Variants in VWA5A observed in about 807,000 individuals in gnomAD.
VWA5A encodes von Willebrand factor A domain-containing protein 5A.
Under a neutral mutation model 84.6 loss-of-function variants are expected in VWA5A, and 77 were observed. The observed-to-expected ratio is 0.91, with a 90% CI of 0.76 to 1.10. The LOEUF (loss-of-function observed/expected upper bound fraction) is 1.10. VWA5A is among the 50% of genes least tolerant of loss of function. The pLI, the probability that VWA5A is intolerant of heterozygous loss-of-function variation, is 0.00. For missense variants in VWA5A, 973 were observed against 963.0 expected, an observed-to-expected ratio of 1.01 and a Z score of -0.14; for synonymous variants, 334 against 350.1, an observed-to-expected ratio of 0.95 and a Z score of 0.51.
chr11:124,137,317 C>T (rs1342768415), intron 15 of VWA5A, 49 bp downstream of exon 15: 9 of 1,578,556 alleles, frequency 5.7e-6, no homozygotes, highest in Non-Finnish European at 7.7e-6. Flanking sequence ...AAGATTCTGA[C>T]TATCTGAGCA....
chr11:124,145,342 G>T lies in VWA5A; in HGVS notation c.2260G>T (p.Ala754Ser), dbSNP rs1235005082. The part of the protein sequence containing the change: ...EWELLERKAV[A>S]WMRAHAGSTM... The stretch of plus-strand genomic sequence containing the variant: ...GGAGCTTCTGGAAAGGAAGGCCGTG[G>T]CCTGGATGCGTGCCCATGCAGGTAG... Residue 754 changes from alanine (A) to serine (S), a missense_variant, in exon 18 of 19, where the codon GCC becomes TCC. Ala to Ser is a moderately conservative substitution (Grantham distance 99). Coordinates refer to ENST00000456829, the MANE Select transcript of VWA5A (RefSeq NM_001130142.2). 6.2e-7 allele frequency: 1 copy of T among 1,613,566 alleles called. No individual in the cohort carries two copies. The highest frequency in any genetic ancestry group is 1.1e-5 in the South Asian group (1 of 90,988).
chr11:124,130,037 C>G (rs1465245471), intron 11 of VWA5A, among the ~76,000 whole-genome samples: 2 of 152,034 alleles, frequency 1.3e-5, no homozygotes, highest in African/African-American at 4.8e-5. Flanking sequence ...AATGTGTTTG[C>G]TCTTGCTTCT....
intron 4 of VWA5A, 79 bp from the exon 5 acceptor site, chr11:124,118,110 C>A: frequency 6.8e-7 from 1 of 1,472,954 alleles, no homozygotes; most frequent in Non-Finnish European, 9.2e-7. Flanking sequence ...CACAGTCGCT[C>A]TGCACTGCTC....
At chr11:124,117,363 A>T in intron 2 of VWA5A, 134 bp from the exon 3 acceptor site, 8 of 846,576 alleles carry the variant, frequency 9.4e-6, no homozygotes, top group South Asian at 1.6e-5. Flanking sequence ...CCTTTTTTTT[A>T]AAGGTTCCAA....
chr11:124,135,159 C>A, intron 12 of VWA5A, 125 bp downstream of exon 12: 1 of 707,608 alleles, frequency 1.4e-6, no homozygotes, highest in Non-Finnish European at 2.3e-6. Flanking sequence ...CCTATATCCC[C>A]AAGGCCTTAG....
chr11:124,142,593 GA>G (rs777406648), intron 17 of VWA5A, 21 bp downstream of exon 17: 20 of 1,613,520 alleles, frequency 1.2e-5, no homozygotes, highest in Non-Finnish European at 1.7e-5. Context: ...ATGGAAAAAG[GA>G]GTATGTATGT....
At position 124,141,645 on chromosome 11, in the gene VWA5A, C is replaced by A; in HGVS notation, c.1927C>A (p.Pro643Thr). 2 of 1,614,100 alleles carry A rather than the reference C, an allele frequency of 1.2e-6. No homozygotes were observed. Among genetic ancestry groups the A allele is most frequent in the Non-Finnish European group, 1.7e-6 (2 of 1,180,010 alleles). The change falls in exon 16 of 19, where the codon CCC becomes ACC. Residue 643 changes from proline to threonine, a missense_variant. Pro to Thr is a conservative substitution (Grantham distance 38). Transcript: ENST00000456829. ...HSDRPPSASQ[P>T]RGELMCYKAK... is the part of the protein sequence containing the mutation. Reference sequence around the variant, plus strand: ...TGACCGTCCTCCTTCTGCATCTCAGCCCAGAGGGGAACTTATGTGTTATAA... The same window carrying A: ...TGACCGTCCTCCTTCTGCATCTCAGACCAGAGGGGAACTTATGTGTTATAA...
At chr11:124,143,575 T>G (rs532132245) in intron 17 of VWA5A, among the ~76,000 whole-genome samples, 17 of 152,332 alleles carry the variant, frequency 1.1e-4, no homozygotes, top group African/African-American at 3.4e-4. Flanking sequence ...CAATAATTAT[T>G]TTTATATTGA....
intron 2 of VWA5A, 188 bp from the exon 3 acceptor site, chr11:124,117,309 G>A: frequency 1.6e-6 from 1 of 621,152 alleles, no homozygotes. Context: ...TTCCCCACCT[G>A]GGACTGCCAT....
intron 11 of VWA5A, among the ~76,000 whole-genome samples, chr11:124,126,091 A>T (rs989084788): frequency 6.6e-6 from 1 of 152,186 alleles, no homozygotes; most frequent in Admixed American, 6.5e-5. Context: ...GCATTGGTCT[A>T]TTCATCTAGA....
At chr11:124,145,836 A>G (rs766716805) in intron 18 of VWA5A, 30 bp from the exon 19 acceptor site, 6 of 1,559,524 alleles carry the variant, frequency 3.8e-6, no homozygotes, top group Middle Eastern at 1.7e-4. Flanking sequence ...GCAATCCTTC[A>G]TCCCTGCTTC....
chr11:124,136,617 A>G lies in VWA5A; in HGVS notation c.1568A>G (p.Gln523Arg). The G allele has an allele frequency of 6.2e-7, 1 of 1,614,142 alleles. No individual in the cohort carries two copies. The highest frequency in any genetic ancestry group is 8.5e-7 in the Non-Finnish European group (1 of 1,180,030). The stretch of plus-strand genomic sequence containing the variant: ...GAAGTATGCCTCAAATATACACTCC[A>G]GGGCAAGACTTTTGAGGATAAGGTG... ...TGEVCLKYTL[Q>R]GKTFEDKVTF... The change falls in exon 14 of 19, where the codon CAG (glutamine) becomes CGG (arginine). Residue 523 changes from glutamine (Q) to arginine (R), a missense_variant. By Grantham distance (43) the Gln-to-Arg change is conservative. Coordinates refer to ENST00000456829, the MANE Select transcript of VWA5A (RefSeq NM_001130142.2).
At chr11:124,140,832 C>T (rs1860711680) in intron 15 of VWA5A, among the ~76,000 whole-genome samples, 1 of 152,158 alleles carries the variant, frequency 6.6e-6, no homozygotes, top group Non-Finnish European at 1.5e-5. Flanking sequence ...AAGTGATCTT[C>T]CCACCTCAGC....
Position 124,118,258 on chromosome 11 carries a change from T to C in VWA5A, c.316T>C (p.Ser106Pro). 6.2e-7 allele frequency: 1 copy of C among 1,614,182 alleles called. No homozygotes were observed. The highest frequency in any genetic ancestry group is 8.5e-7 in the Non-Finnish European group (1 of 1,180,022). Residue 106 changes from serine (S) to proline (P), a missense_variant, in exon 5 of 19, where the codon TCC becomes CCC. Physicochemically the swap from Ser to Pro is moderately conservative, Grantham distance 74 (BLOSUM62 -1). Transcript: ENST00000456829. ...QAFLLEGDSS[S>P]RDVFSCNVGN... ...CTTCTTATTGGAGGGGGACAGCAGC[T>C]CCAGGGATGTCTTCTCTTGCAATGT...
rs759151479 is a variant in VWA5A, at chr11:124,141,616, A to G, written c.1898A>G (p.His633Arg). ...KCQSGFRKAL[H>R]SDRPPSASQP... ...TTTTCAGGTTTTCGAAAGGCCTTAC[A>G]CTCTGACCGTCCTCCTTCTGCATCT... Residue 633 changes from histidine to arginine, a missense_variant, in exon 16 of 19, where the codon CAC becomes CGC. By Grantham distance (29) the His-to-Arg change is conservative. Coordinates refer to ENST00000456829, the MANE Select transcript of VWA5A (RefSeq NM_001130142.2). The G allele has an allele frequency of 1.2e-6, 2 of 1,613,954 alleles. No homozygotes were observed. The highest frequency in any genetic ancestry group is 1.1e-5 in the South Asian group (1 of 91,076).
At chr11:124,123,283 A>G in intron 8 of VWA5A, 83 bp from the exon 9 acceptor site, 1 of 1,522,354 alleles carries the variant, frequency 6.6e-7, no homozygotes, top group Non-Finnish European at 9.0e-7. Flanking sequence ...GGGATGGCCC[A>G]CATCCTCAAG....
intron 7 of VWA5A, among the ~76,000 whole-genome samples, chr11:124,119,992 A>G (rs902695085): frequency 1.4e-4 from 22 of 152,198 alleles, no homozygotes. Flanking sequence ...TGCAGTCTCA[A>G]CTGAAGTTTT....
At chr11:124,136,022 C>A in intron 12 of VWA5A, 107 bp from the exon 13 acceptor site, 1 of 1,259,362 alleles carries the variant, frequency 7.9e-7, no homozygotes, top group Non-Finnish European at 1.1e-6. Context: ...GAGGAGTAGG[C>A]ATGACATGTA....
chr11:124,145,793 G>C, intron 18 of VWA5A, 73 bp from the exon 19 acceptor site: 1 of 1,442,766 alleles, frequency 6.9e-7, no homozygotes, highest in Non-Finnish European at 9.5e-7. Flanking sequence ...ACTCAGGGTA[G>C]ATGATCTGGG....
Sources: gnomAD v4.1 joint callset for allele counts (sites outside exome capture counted in the v4.1 genomes callset) on GRCh38, gnomAD v4.1.1 for gene constraint, MANE v1.5 for transcripts, NCBI Gene and HGNC (gene_info 2026-07-23, HGNC 2026-07-21) for gene names.